The following KIF23 variants were observed in gnomAD, a reference collection of about 807,000 sequenced individuals.
KIF23 encodes the protein kinesin-like protein KIF23.
In KIF23, 30 loss-of-function variants were observed where a neutral mutation model predicts 137.5. The ratio of observed to expected loss-of-function variants is 0.22; its 90% CI spans 0.16 to 0.30. The LOEUF is 0.30. KIF23 is among the 10% of genes least tolerant of loss of function. The probability of loss-of-function intolerance (pLI) is 1.00; values close to 1 mark genes in which losing one functional copy is unlikely to be tolerated. For synonymous variants in KIF23, 367 were observed against 391.1 expected (o/e 0.94, Z 0.73); for missense variants, 920 against 1,194.3 (o/e 0.77, Z 3.38).
At position 69,435,090 on chromosome 15, in the gene KIF23, G is replaced by A. The variant is rs2057445778; in HGVS notation, c.1115-393G>A. The A allele has an allele frequency of 6.1e-6, 3 of 490,382 alleles. No individual in the cohort carries two copies. The East Asian group carries it at 9.2e-5, about 15-fold the overall frequency. 30.4% of individuals were successfully genotyped at this position (490,382 alleles called of 1,614,324 possible). A position where few individuals can be genotyped will look rare whatever the true frequency, so the allele number is the denominator to read the frequency against. On this transcript the variant is annotated intron_variant, in intron 11 of 23. Coordinates refer to ENST00000679126, the MANE Select transcript of KIF23 (RefSeq NM_001367805.3). ...ATATTCTTCCCCCACCCCCAGAAGC[G>A]GGACGGTGGCCTGGGGGTCGCCATG...
intron 8 of KIF23, among the ~76,000 whole-genome samples, chr15:69,425,563 T>A (rs953392229): frequency 2.0e-5 from 3 of 152,212 alleles, no homozygotes; most frequent in Admixed American, 6.5e-5. Flanking sequence ...ATACCCAACC[T>A]TCATCTTGTC....
rs899939323 is a variant in KIF23 at position 69,446,900 on chromosome 15, A to G, written c.2868A>G (p.Gly956=). 6.2e-7 allele frequency: 1 copy of G among 1,614,198 alleles called. No individual in the cohort carries two copies. The highest frequency in any genetic ancestry group is 8.5e-7 in the Non-Finnish European group (1 of 1,180,018). ...RCSVAVEMRA[G]SQLGPGYQHH... is the part of the protein sequence containing the mutation. ...CTGTGGCTGTGGAGATGAGAGCAGG[A>G]TCCCAGCTGGGACCTGGATATCAGC... Residue 956 remains glycine (G), a synonymous_variant, in exon 23 of 24, where the codon GGA becomes GGG. Transcript: ENST00000679126.
intron 11 of KIF23, among the ~76,000 whole-genome samples, chr15:69,430,150 T>C (rs374346420): frequency 6.6e-6 from 1 of 152,222 alleles, no homozygotes; most frequent in African/African-American, 2.4e-5. Context: ...CACAAGCCAA[T>C]TGAAGGCTTT....
At chr15:69,446,539 C>T in intron 22 of KIF23, 175 bp downstream of exon 22, 1 of 635,134 alleles carries the variant, frequency 1.6e-6, no homozygotes, top group South Asian at 2.0e-5. Context: ...CAGGAACTCC[C>T]TTGCAAGTGT....
At chr15:69,442,302 A>G (rs1446508194) in intron 19 of KIF23, among the ~76,000 whole-genome samples, 3 of 152,170 alleles carry the variant, frequency 2.0e-5, no homozygotes, top group Non-Finnish European at 2.9e-5. Flanking sequence ...ATTCAAGGGT[A>G]TTTAAATAAA....
chr15:69,444,567 T>G lies in KIF23; in HGVS notation c.2422-223T>G, dbSNP rs1413322916. On this transcript the variant is annotated intron_variant, in intron 19 of 23. Transcript: ENST00000679126. The surrounding 1 kb of genome is among the most constrained non-coding windows in gnomAD (Gnocchi z 4.2). ...TTACCAGAATTTTTTCTTTTATCCT[T>G]TATTGAAAGGGAAACTCCCAGATAG... The G allele has an allele frequency of 4.1e-5, 21 of 508,880 alleles. No individual in the cohort carries two copies. The highest frequency in any genetic ancestry group is 1.4e-5 in the Non-Finnish European group (4 of 292,838). 31.5% of individuals were successfully genotyped at this position (508,880 alleles called of 1,614,324 possible).
rs755814129 is a variant in KIF23, at chr15:69,436,594, G to A, written c.1469G>A (p.Ser490Asn). ...TTGGTTACTGACGTGGTTTTGCAGA[G>A]TTTTCCACCTTTGCCATCATGCGAA... ...EPLVTDVVLQSFPPLPSCEIL... is the reference protein window; with the variant it reads ...EPLVTDVVLQNFPPLPSCEIL... The change falls in exon 15 of 24, where the codon AGT (serine) becomes AAT (asparagine). Residue 490 changes from serine (S) to asparagine (N), a missense_variant. Physicochemically the swap from Ser to Asn is conservative, Grantham distance 46. This residue lies in a region of KIF23 where 714 missense variants were observed against 866.2 expected (regional missense o/e 0.82). Coordinates refer to ENST00000679126, the MANE Select transcript of KIF23 (RefSeq NM_001367805.3). 4 of 1,612,288 alleles carry A rather than the reference G, an allele frequency of 2.5e-6. No individual in the cohort carries two copies. The African/African-American group carries it at 5.3e-5, about 22-fold the overall frequency.
intron 10 of KIF23, among the ~76,000 whole-genome samples, chr15:69,427,848 C>T (rs972536174): frequency 6.6e-5 from 10 of 152,180 alleles, no homozygotes; most frequent in South Asian, 2.1e-4. Context: ...ATTTATTTAC[C>T]GACTAGCTAT....
At chr15:69,420,808 T>C (rs533443249) in intron 3 of KIF23, among the ~76,000 whole-genome samples, 1 of 152,136 alleles carries the variant, frequency 6.6e-6, no homozygotes, top group South Asian at 2.1e-4. Flanking sequence ...TTTAAAATTT[T>C]TTATTAGATG....
chr15:69,442,375 G>A (rs2057642161), intron 19 of KIF23, among the ~76,000 whole-genome samples: 1 of 152,026 alleles, frequency 6.6e-6, no homozygotes, highest in Non-Finnish European at 1.5e-5. Flanking sequence ...TGAATAAATG[G>A]ACCAAGTTAA....
At chr15:69,428,856 C>G (rs551392087) in intron 10 of KIF23, among the ~76,000 whole-genome samples, 1 of 152,152 alleles carries the variant, frequency 6.6e-6, no homozygotes. Context: ...AAGACAGAGT[C>G]CCTGCTCTCA....
At chr15:69,439,566 T>TG (rs1440049549) in intron 16 of KIF23, among the ~76,000 whole-genome samples, 1 of 152,178 alleles carries the variant, frequency 6.6e-6, no homozygotes, top group African/African-American at 2.4e-5. Context: ...AGAGGTTTGG[T>TG]GGGGGTACAC....
intron 11 of KIF23, among the ~76,000 whole-genome samples, chr15:69,434,133 C>T (rs1406348947): frequency 6.6e-6 from 1 of 152,176 alleles, no homozygotes; most frequent in Non-Finnish European, 1.5e-5. Flanking sequence ...TCAGTTTTCC[C>T]TGCAGTTTTT....
chr15:69,444,595 T>C lies in KIF23; in HGVS notation c.2422-195T>C. On this transcript the variant is annotated intron_variant, in intron 19 of 23. Coordinates refer to ENST00000679126, the MANE Select transcript of KIF23 (RefSeq NM_001367805.3). The surrounding 1 kb of genome is among the most constrained non-coding windows in gnomAD (Gnocchi z 4.2). Reference sequence around the variant, plus strand: ...TTGAAAGGGAAACTCCCAGATAGAATGTGTAACATACAAGTTGGTGTTAAA... The same window carrying C: ...TTGAAAGGGAAACTCCCAGATAGAACGTGTAACATACAAGTTGGTGTTAAA... 1 of 572,638 alleles carries C rather than the reference T, an allele frequency of 1.7e-6. No homozygotes were observed. The highest frequency in any genetic ancestry group is 2.4e-5 in the South Asian group (1 of 41,002). 35.5% of individuals were successfully genotyped at this position (572,638 alleles called of 1,614,324 possible).
intron 19 of KIF23, 77 bp downstream of exon 19, chr15:69,441,156 G>A: frequency 7.7e-7 from 1 of 1,297,430 alleles, no homozygotes; most frequent in Non-Finnish European, 1.1e-6. Flanking sequence ...GTGTCTGAAA[G>A]TTCATTGGAA....
intron 11 of KIF23, among the ~76,000 whole-genome samples, chr15:69,432,143 TA>T (rs1433427465): frequency 6.6e-6 from 1 of 152,182 alleles, no homozygotes; most frequent in Non-Finnish European, 1.5e-5. Flanking sequence ...GGGAAGAAAG[TA>T]AAAACTTGAA....
At chr15:69,426,803 A>T in intron 10 of KIF23, 1 of 229,824 alleles carries the variant, frequency 4.4e-6, no homozygotes, top group Non-Finnish European at 8.6e-6. Flanking sequence ...TGTATCTGTG[A>T]GTTCTACATC....
Position 69,414,465 on chromosome 15 carries a change from C to A in KIF23, c.-1C>A. ...GTTTGGGCGGCGTGGAGCCTGCTGC[C>A]ATGAAGTCAGCGTGAGTACGAGGCC... is the stretch of plus-strand genomic sequence containing the variant. On this transcript the variant is annotated 5_prime_UTR_variant, in exon 1 of 24. Transcript: ENST00000679126. 1 of 1,589,498 alleles carries A rather than the reference C, an allele frequency of 6.3e-7. No homozygotes were observed. Among genetic ancestry groups the A allele is most frequent in the Non-Finnish European group, 8.6e-7 (1 of 1,168,292 alleles).
intron 3 of KIF23, among the ~76,000 whole-genome samples, chr15:69,418,580 A>T (rs1486363705): frequency 6.6e-6 from 1 of 152,208 alleles, no homozygotes; most frequent in South Asian, 2.1e-4. Context: ...ATATTCCAAC[A>T]TGTGTCTTGA....
Sources: gnomAD v4.1 joint callset for allele counts (sites outside exome capture counted in the v4.1 genomes callset) on GRCh38, gnomAD v4.1.1 for gene constraint, gnomAD v4.1.1 regional missense constraint, Gnocchi (gnomAD v3.1) non-coding constraint, MANE v1.5 for transcripts, NCBI Gene and HGNC (gene_info 2026-07-23, HGNC 2026-07-21) for gene names.